Variants in BTAF1 observed in about 807,000 individuals in gnomAD.
BTAF1 encodes the protein TATA-binding protein-associated factor 172.
A neutral mutation model predicts 227.1 loss-of-function variants in BTAF1; 38 were observed. The observed-to-expected ratio is 0.17, with a 90% confidence interval of 0.13 to 0.22. The LOEUF (loss-of-function observed/expected upper bound fraction) is 0.22. Among genes scored for constraint, BTAF1 ranks in the 10% least tolerant of loss-of-function variants. The pLI, the probability that BTAF1 is intolerant of heterozygous loss-of-function variation, is 1.00. For synonymous variants in BTAF1, 742 were observed against 751.9 expected (o/e 0.99, Z 0.21); for missense variants, 1,598 against 2,204.0 (o/e 0.73, Z 5.51).
In BTAF1 at chr10:91,956,289, A is replaced by G. The variant is rs530644078; in HGVS notation, c.702-239A>G. ...AAATTCAAGATCCAATTTGAAAAAA[A>G]GAATTCACCAACCTATAGTGTAGTT... is the stretch of plus-strand genomic sequence containing the variant. On this transcript the variant is annotated intron_variant, in intron 6 of 37. Coordinates refer to ENST00000265990, the MANE Select transcript of BTAF1 (RefSeq NM_003972.3). 2.0e-5 allele frequency among the ~76,000 whole-genome samples: 3 copies of G among 152,340 alleles called. No homozygotes were observed. In the South Asian group the frequency reaches 6.2e-4, roughly 32 times the overall value.
At chr10:92,010,700 T>A (rs1157581621) in intron 28 of BTAF1, among the ~76,000 whole-genome samples, 1 of 152,222 alleles carries the variant, frequency 6.6e-6, no homozygotes, top group Non-Finnish European at 1.5e-5. Context: ...GATTAAGTAT[T>A]GTGAATAGCT....
rs750311259 is a variant in BTAF1, at chr10:92,018,942, A to G, written c.4863+7A>G. On this transcript the variant is annotated splice_region_variant and intron_variant, in intron 34 of 37. Transcript: ENST00000265990. ...GCTCTCAGCTTTGAAACAAGTATGT[A>G]TGTCTTTTAAGTGTTAAATGTGTGT... The G allele has an allele frequency of 1.3e-6, 2 of 1,540,462 alleles. No individual in the cohort carries two copies. The highest frequency in any genetic ancestry group is 1.7e-6 in the Non-Finnish European group (2 of 1,146,790).
intron 14 of BTAF1, among the ~76,000 whole-genome samples, chr10:91,971,774 A>G (rs1160669488): frequency 6.6e-6 from 1 of 151,982 alleles, no homozygotes; most frequent in Non-Finnish European, 1.5e-5. Flanking sequence ...GCCCAGCCCA[A>G]AGCCAAACCT....
At position 91,940,036 on chromosome 10, in the gene BTAF1, G is replaced by C; in HGVS notation, c.223G>C (p.Glu75Gln). Residue 75 changes from glutamate to glutamine, a missense_variant, in exon 3 of 38, where the codon GAG (glutamate) becomes CAG (glutamine). Physicochemically the swap from Glu to Gln is conservative, Grantham distance 29. Transcript: ENST00000265990. ...AVEAIVKNVPEWNPVPRTRQE... is the reference protein window; with the variant it reads ...AVEAIVKNVPQWNPVPRTRQE... ...TGAAGCTATAGTGAAAAATGTACCT[G>C]AGTGGAATCCAGTGCCGAGAACCAG... 1 of 1,612,530 alleles carries C rather than the reference G, an allele frequency of 6.2e-7. No individual in the cohort carries two copies. The highest frequency in any genetic ancestry group is 8.5e-7 in the Non-Finnish European group (1 of 1,178,980).
At chr10:91,981,188 A>G (rs1367070284) in intron 15 of BTAF1, among the ~76,000 whole-genome samples, 1 of 152,180 alleles carries the variant, frequency 6.6e-6, no homozygotes, top group African/African-American at 2.4e-5. Context: ...CCTTATCCTT[A>G]TTAAGTAAGA....
chr10:92,017,796 C>A (rs1850847252), intron 33 of BTAF1, among the ~76,000 whole-genome samples: 1 of 152,176 alleles, frequency 6.6e-6, no homozygotes, highest in Non-Finnish European at 1.5e-5. Context: ...TAGGTGCAAA[C>A]CACTGCACCT....
chr10:91,995,969 T>G (rs776515902), intron 23 of BTAF1, among the ~76,000 whole-genome samples: 1 of 152,228 alleles, frequency 6.6e-6, no homozygotes, highest in Non-Finnish European at 1.5e-5. Context: ...ATAAAAATTA[T>G]GTACCTAAAT....
At chr10:91,942,301 TGTGTGTG>T in intron 3 of BTAF1, 114 bp from the exon 4 acceptor site, 1 of 95,822 alleles carries the variant, frequency 1.0e-5, no homozygotes, top group Admixed American at 1.4e-4. Flanking sequence ...AAAAAGTTTG[TGTGTGTG>T]TGTGTGTGTG....
chr10:91,929,019 G>C (rs754230216), intron 1 of BTAF1, among the ~76,000 whole-genome samples: 1 of 151,968 alleles, frequency 6.6e-6, no homozygotes, highest in Non-Finnish European at 1.5e-5. Context: ...TCATCATGTT[G>C]CCCAGGCTGG....
chr10:91,975,269 T>C (rs191363821), intron 14 of BTAF1, among the ~76,000 whole-genome samples: 1 of 152,196 alleles, frequency 6.6e-6, no homozygotes, highest in African/African-American at 2.4e-5. Flanking sequence ...ATACATGAGA[T>C]TGAGTTGGAA....
At chr10:91,955,712 G>A (rs773927142) in intron 6 of BTAF1, among the ~76,000 whole-genome samples, 1 of 152,124 alleles carries the variant, frequency 6.6e-6, no homozygotes, top group Non-Finnish European at 1.5e-5. Context: ...AAGGACAAAT[G>A]CCTGCAAGGG....
In BTAF1 at chr10:92,014,046, T is replaced by G. The variant is rs765296299; in HGVS notation, c.4584+17T>G. The G allele has an allele frequency of 6.2e-7, 1 of 1,600,664 alleles. No homozygotes were observed. ...CCTCTCCAGGTTAGGAATCTCGTGT[T>G]TATCATTGTTAGTGGTATGTTTATT... On this transcript the variant is annotated intron_variant, in intron 32 of 37. Coordinates refer to ENST00000265990, the MANE Select transcript of BTAF1 (RefSeq NM_003972.3).
At chr10:91,941,347 C>T (rs1844984304) in intron 3 of BTAF1, among the ~76,000 whole-genome samples, 1 of 152,152 alleles carries the variant, frequency 6.6e-6, no homozygotes, top group South Asian at 2.1e-4. Flanking sequence ...CACTAGAAAA[C>T]TTAAAATACT....
At chr10:91,952,954 G>A (rs190637094) in intron 5 of BTAF1, among the ~76,000 whole-genome samples, 4 of 152,244 alleles carry the variant, frequency 2.6e-5, no homozygotes, top group African/African-American at 9.6e-5. Context: ...AATTGGGTGC[G>A]GGATAGGCAA....
chr10:92,013,125 G>A (rs1850485307), intron 30 of BTAF1, among the ~76,000 whole-genome samples: 1 of 152,180 alleles, frequency 6.6e-6, no homozygotes, highest in Non-Finnish European at 1.5e-5. Flanking sequence ...GGTACCTTAG[G>A]ACCTGCACCT....
chr10:91,946,352 T>C (rs1027045351), intron 4 of BTAF1, among the ~76,000 whole-genome samples: 1 of 152,138 alleles, frequency 6.6e-6, no homozygotes. Flanking sequence ...AGAGTGAAAC[T>C]CTGTCTAAAA....
At chr10:91,965,732 G>C (rs1197610072) in intron 13 of BTAF1, among the ~76,000 whole-genome samples, 1 of 152,106 alleles carries the variant, frequency 6.6e-6, no homozygotes, top group African/African-American at 2.4e-5. Flanking sequence ...ATGCTTTTAT[G>C]TGTTTTGTGT....
chr10:92,020,638 T>C (rs926374432), intron 34 of BTAF1, among the ~76,000 whole-genome samples: 2 of 152,232 alleles, frequency 1.3e-5, no homozygotes, highest in Non-Finnish European at 2.9e-5. Context: ...ACTATGAACT[T>C]TCACACTGTA....
chr10:91,974,599 C>T (rs1276973365), intron 14 of BTAF1, among the ~76,000 whole-genome samples: 1 of 152,176 alleles, frequency 6.6e-6, no homozygotes, highest in Non-Finnish European at 1.5e-5. Flanking sequence ...CTCCTGTAAC[C>T]CCAGGACTTT....
Sources: gnomAD v4.1 joint callset for allele counts (sites outside exome capture counted in the v4.1 genomes callset) on GRCh38, gnomAD v4.1.1 for gene constraint, MANE v1.5 for transcripts, NCBI Gene and HGNC (gene_info 2026-07-23, HGNC 2026-07-21) for gene names.